PCDHA8: variants seen among roughly 807,000 people sequenced by gnomAD.
The protein encoded by PCDHA8 is protocadherin alpha 8, also known as protocadherin alpha-8.
A neutral mutation model predicts 61.8 loss-of-function variants in PCDHA8; 53 were observed. The ratio of observed to expected loss-of-function variants is 0.86; its 90% CI spans 0.69 to 1.08. The LOEUF (loss-of-function observed/expected upper bound fraction) is 1.08. PCDHA8 is among the 50% of genes least tolerant of loss of function. The pLI is 0.00. For synonymous variants in PCDHA8, 618 were observed against 556.6 expected, an observed-to-expected ratio of 1.11 and a Z score of -1.55; for missense variants, 1,293 against 1,245.0, an observed-to-expected ratio of 1.04 and a Z score of -0.58.
chr5:140,913,463 G>C (rs1230048611), intron 1 of PCDHA8, among the ~76,000 whole-genome samples: 4 of 151,500 alleles, frequency 2.6e-5, no homozygotes, highest in African/African-American at 2.4e-5. Flanking sequence ...TATTTACTTG[G>C]GTCTTCTCTC....
chr5:140,877,867 T>A lies in PCDHA8; in HGVS notation c.2394+34152T>A, dbSNP rs782120587. 4.7e-6 allele frequency: 7 copies of A among 1,490,888 alleles called. No individual in the cohort carries two copies. The Admixed American group carries it at 1.7e-4, about 37-fold the overall frequency. 92.4% of individuals were successfully genotyped at this position (1,490,888 alleles called of 1,614,324 possible). A position where few individuals can be genotyped will look rare whatever the true frequency, so the allele number is the denominator to read the frequency against. On this transcript the variant is annotated intron_variant, in intron 1 of 3. Coordinates refer to ENST00000531613, the MANE Select transcript of PCDHA8 (RefSeq NM_018911.3). ...AAGTTATTAATATTATTTAGATATA[T>A]TTGTTTCCTTGAAGAACTTCCGTTT...
At position 140,982,581 on chromosome 5, in the gene PCDHA8, C is replaced by G. The variant is rs782060139; in HGVS notation, c.2542+18C>G. 6.2e-7 allele frequency: 1 copy of G among 1,612,214 alleles called. No homozygotes were observed. The highest frequency in any genetic ancestry group is 1.1e-5 in the South Asian group (1 of 90,796). The stretch of plus-strand genomic sequence containing the variant: ...AACACCAGGTAAAGAGCTGGGGTCT[C>G]TCCATTCTTTCTTGGTTTCTGGAAA... On this transcript the variant is annotated intron_variant, in intron 3 of 3. Transcript: ENST00000531613.
At chr5:140,905,376 C>G in intron 1 of PCDHA8, among the ~76,000 whole-genome samples, 1 of 152,174 alleles carries the variant, frequency 6.6e-6, no homozygotes, top group East Asian at 1.9e-4. Context: ...GTTCTCTGTT[C>G]TGTTTCATAG....
At chr5:140,851,728 C>A in intron 1 of PCDHA8, 1 of 969,738 alleles carries the variant, frequency 1.0e-6, no homozygotes, top group Non-Finnish European at 1.2e-6. Context: ...ACTTCGAGTT[C>A]TTTTGAAATT....
At position 140,914,532 on chromosome 5, in the gene PCDHA8, A is replaced by G. The variant is rs1440968686; in HGVS notation, c.2395-64417A>G. ...GTCATGTTTTTTCATCCATTCAGCC[A>G]CTTTATTTCTTTTTATTGGAGAGTT... On this transcript the variant is annotated intron_variant, in intron 1 of 3. Coordinates refer to ENST00000531613, the MANE Select transcript of PCDHA8 (RefSeq NM_018911.3). Among the ~76,000 whole-genome samples the G allele has an allele frequency of 3.3e-5, 5 of 152,070 alleles. 1 individual carries two copies. Among genetic ancestry groups the G allele is most frequent in the Admixed American group, 3.3e-4 (5 of 15,252 alleles).
chr5:140,874,124 T>G (rs926046559), intron 1 of PCDHA8, among the ~76,000 whole-genome samples: 6 of 152,266 alleles, frequency 3.9e-5, no homozygotes, highest in Admixed American at 3.3e-4. Context: ...TTATAGTTTA[T>G]TTAAGTTATC....
intron 1 of PCDHA8, among the ~76,000 whole-genome samples, chr5:140,972,660 ATTTTTTT>A (rs11350929): frequency 8.5e-6 from 1 of 117,268 alleles, no homozygotes; most frequent in Admixed American, 9.2e-5. Flanking sequence ...AAGAAACCAA[ATTTTTTT>A]TTTTTTTTTT....
Position 140,842,374 on chromosome 5 carries a change from A to C in PCDHA8, c.1053A>C (p.Ala351=). ...LDKNDNVPEI[A]LTSLSLPVRE... ...AAAATGATAACGTCCCTGAGATAGC[A>C]CTGACTTCCTTATCCTTGCCTGTAC... Residue 351 remains alanine, a synonymous_variant, in exon 1 of 4, where the codon GCA becomes GCC. Coordinates refer to ENST00000531613, the MANE Select transcript of PCDHA8 (RefSeq NM_018911.3). 6.2e-7 allele frequency: 1 copy of C among 1,609,340 alleles called. No individual in the cohort carries two copies. The highest frequency in any genetic ancestry group is 8.5e-7 in the Non-Finnish European group (1 of 1,175,802).
intron 1 of PCDHA8, among the ~76,000 whole-genome samples, chr5:140,941,202 C>CCTTTCTTCCTTTCTTTTTCTTT (rs1394736170): frequency 8.1e-6 from 1 of 122,742 alleles, no homozygotes; most frequent in African/African-American, 3.0e-5. Flanking sequence ...TTTCTTTCTT[C>CCTTTCTTCCTTTCTTTTTCTTT]CTTTCTTTCT....
chr5:140,928,258 G>A lies in PCDHA8; in HGVS notation c.2395-50691G>A, dbSNP rs782503341. 15 of 1,614,094 alleles carry A rather than the reference G, an allele frequency of 9.3e-6. No individual in the cohort carries two copies. The Admixed American group carries it at 2.0e-4, about 22-fold the overall frequency. On this transcript the variant is annotated intron_variant, in intron 1 of 3. Transcript: ENST00000531613. The stretch of plus-strand genomic sequence containing the variant: ...ACCCCAGCAGGAACTTTTCGTTGCT[G>A]AAAACAATGGCCCTGGGGCCTCTCT...
chr5:140,992,097 A>G (rs1466699064), intron 3 of PCDHA8, among the ~76,000 whole-genome samples: 7 of 151,212 alleles, frequency 4.6e-5, no homozygotes, highest in Non-Finnish European at 1.0e-4. Flanking sequence ...GAGAAAGAGA[A>G]TTAAGGTGAG....
At chr5:140,928,585 G>A (rs1554206029) in intron 1 of PCDHA8, 1 of 1,614,194 alleles carries the variant, frequency 6.2e-7, no homozygotes, top group Admixed American at 1.7e-5. Context: ...AAATGGTTCT[G>A]TCCCAGTGGA....
intron 3 of PCDHA8, among the ~76,000 whole-genome samples, chr5:141,002,613 A>G (rs1587992392): frequency 1.3e-5 from 2 of 152,206 alleles, no homozygotes; most frequent in African/African-American, 4.8e-5. Context: ...AAACAGACAC[A>G]TAACACAGAC....
chr5:140,945,322 T>C (rs1311724084), intron 1 of PCDHA8, among the ~76,000 whole-genome samples: 9 of 152,096 alleles, frequency 5.9e-5, no homozygotes, highest in Admixed American at 5.2e-4. Context: ...AATGGAAATA[T>C]ATTTTATGTT....
intron 1 of PCDHA8, chr5:140,876,926 A>C (rs782589579): frequency 6.2e-7 from 1 of 1,613,842 alleles, no homozygotes; most frequent in East Asian, 2.2e-5. Context: ...GCGGACGCGC[A>C]GAAGAACGCG....
chr5:140,980,614 G>T (rs2153822225), intron 2 of PCDHA8, among the ~76,000 whole-genome samples: 1 of 152,088 alleles, frequency 6.6e-6, no homozygotes, highest in Admixed American at 6.5e-5. Context: ...TGGCGACAGT[G>T]CGAGACTCTG....
chr5:140,893,882 C>G (rs2064212921), intron 1 of PCDHA8, among the ~76,000 whole-genome samples: 1 of 152,140 alleles, frequency 6.6e-6, no homozygotes, highest in Non-Finnish European at 1.5e-5. Flanking sequence ...CCAAAGTGGC[C>G]AGAAAGTTAC....
At chr5:140,856,081 G>T in intron 1 of PCDHA8, 1 of 1,595,042 alleles carries the variant, frequency 6.3e-7, no homozygotes, top group Non-Finnish European at 8.6e-7. Context: ...TGGGGGTCCA[G>T]TGTCTGCTGC....
chr5:140,912,993 T>C (rs186652657), intron 1 of PCDHA8, among the ~76,000 whole-genome samples: 1 of 152,294 alleles, frequency 6.6e-6, no homozygotes, highest in Non-Finnish European at 1.5e-5. Flanking sequence ...TTCAGTTTGC[T>C]AGTATTTTGT....
Sources: gnomAD v4.1 joint callset for allele counts (sites outside exome capture counted in the v4.1 genomes callset) on GRCh38, gnomAD v4.1.1 for gene constraint, MANE v1.5 for transcripts, NCBI Gene and HGNC (gene_info 2026-07-23, HGNC 2026-07-21) for gene names.